Variants in EXOC6B observed in about 807,000 individuals in gnomAD.
EXOC6B encodes exocyst complex component 6B.
In EXOC6B, 54 loss-of-function variants were observed where a neutral mutation model predicts 113.5. The ratio of observed to expected loss-of-function variants is 0.48; its 90% CI spans 0.38 to 0.60. The LOEUF (loss-of-function observed/expected upper bound fraction) is 0.60. Among genes scored for constraint, EXOC6B ranks in the 20% least tolerant of loss-of-function variants. EXOC6B has a pLI of 0.00. For missense variants in EXOC6B, 797 were observed against 977.5 expected (o/e 0.82, Z 2.46); for synonymous variants, 357 against 339.0 (o/e 1.05, Z -0.58).
chr2:72,696,371 G>A (rs1274717478), intron 6 of EXOC6B, among the ~76,000 whole-genome samples: 1 of 152,176 alleles, frequency 6.6e-6, no homozygotes, highest in African/African-American at 2.4e-5. Context: ...AAATAGCAAG[G>A]TTAATACCTA....
At chr2:72,682,131 G>A (rs1483348652) in intron 6 of EXOC6B, among the ~76,000 whole-genome samples, 1 of 151,970 alleles carries the variant, frequency 6.6e-6, no homozygotes, top group Admixed American at 6.6e-5. Context: ...CCACCATAAG[G>A]TGGGCAAAAC....
intron 20 of EXOC6B, among the ~76,000 whole-genome samples, chr2:72,324,097 C>G (rs540118418): frequency 2.0e-5 from 3 of 151,356 alleles, no homozygotes; most frequent in African/African-American, 7.3e-5. Context: ...ACAAAATAAA[C>G]AATTGTGTTA....
At chr2:72,480,061 G>A (rs916180185) in intron 17 of EXOC6B, among the ~76,000 whole-genome samples, 5 of 151,842 alleles carry the variant, frequency 3.3e-5, no homozygotes, top group South Asian at 2.1e-4. Flanking sequence ...AAAATTAGCC[G>A]GGCATGGTGG....
At chr2:72,820,625 A>C (rs1360505832) in intron 1 of EXOC6B, among the ~76,000 whole-genome samples, 1 of 152,196 alleles carries the variant, frequency 6.6e-6, no homozygotes, top group Non-Finnish European at 1.5e-5. Flanking sequence ...AGCAAAAATC[A>C]CATAAACTCA....
chr2:72,501,826 C>T (rs1330521542), intron 11 of EXOC6B, among the ~76,000 whole-genome samples: 4 of 150,614 alleles, frequency 2.7e-5, no homozygotes, highest in African/African-American at 9.8e-5. Flanking sequence ...GTGGCAGGAT[C>T]ATAGCTCACT....
chr2:72,232,599 C>T (rs946474705), intron 20 of EXOC6B, among the ~76,000 whole-genome samples: 3 of 151,950 alleles, frequency 2.0e-5, no homozygotes, highest in African/African-American at 7.3e-5. Context: ...AAAAATTGTA[C>T]TTTAAAAGGC....
chr2:72,716,760 G>A (rs1284332438), intron 6 of EXOC6B, among the ~76,000 whole-genome samples: 3 of 152,072 alleles, frequency 2.0e-5, no homozygotes, highest in South Asian at 2.1e-4. Context: ...AATGAGACCA[G>A]CTGGCCTCAC....
chr2:72,587,169 C>T (rs1432040184), intron 6 of EXOC6B, among the ~76,000 whole-genome samples: 2 of 152,014 alleles, frequency 1.3e-5, no homozygotes, highest in Non-Finnish European at 1.5e-5. Context: ...ACCTAGGTGC[C>T]CATCAATGGT....
At chr2:72,610,244 T>C (rs960412036) in intron 6 of EXOC6B, among the ~76,000 whole-genome samples, 1 of 152,152 alleles carries the variant, frequency 6.6e-6, no homozygotes, top group African/African-American at 2.4e-5. Context: ...AGTATATACA[T>C]AGTGTGTATA....
intron 16 of EXOC6B, among the ~76,000 whole-genome samples, chr2:72,486,937 G>C (rs1047000038): frequency 1.3e-5 from 2 of 149,682 alleles, no homozygotes; most frequent in Non-Finnish European, 3.0e-5. Context: ...TGTTTCCTTT[G>C]GTAACAAAAT....
At chr2:72,459,308 C>T (rs1697468260) in intron 18 of EXOC6B, among the ~76,000 whole-genome samples, 1 of 152,122 alleles carries the variant, frequency 6.6e-6, no homozygotes, top group Non-Finnish European at 1.5e-5. Flanking sequence ...ACAGGGATGC[C>T]CTCTCTCACC....
intron 5 of EXOC6B, among the ~76,000 whole-genome samples, chr2:72,728,503 T>G (rs1680448295): frequency 6.6e-6 from 1 of 152,142 alleles, no homozygotes; most frequent in Admixed American, 6.5e-5. Flanking sequence ...GTTATAGTAA[T>G]AACCACTCCC....
At chr2:72,250,685 G>A (rs10221958) in intron 20 of EXOC6B, among the ~76,000 whole-genome samples, 100 of 152,076 alleles carry the variant, frequency 6.6e-4, no homozygotes, top group African/African-American at 2.3e-3. Context: ...ATCTCTGTAA[G>A]CAATAAATTT....
intron 6 of EXOC6B, among the ~76,000 whole-genome samples, chr2:72,621,684 G>A (rs1671756428): frequency 6.6e-6 from 1 of 152,212 alleles, no homozygotes; most frequent in Non-Finnish European, 1.5e-5. Context: ...GGACAGATGA[G>A]GTAGCTGGAC....
rs980322172 is a variant in EXOC6B at position 72,550,071 on chromosome 2, C to T, written c.915+9382G>A. Among the ~76,000 whole-genome samples the T allele has an allele frequency of 4.6e-5, 7 of 151,868 alleles. No homozygotes were observed. In the East Asian group the frequency reaches 1.2e-3, roughly 25 times the overall value. ...ACAAGCATTAGAATGTAAAGGAATG[C>T]GAGAGATATGGTTTATTTTCTCCTC... On this transcript the variant is annotated intron_variant, in intron 8 of 21. Coordinates refer to ENST00000272427, the MANE Select transcript of EXOC6B (RefSeq NM_015189.3).
rs537400729 is a variant in EXOC6B at position 72,404,566 on chromosome 2, G to A, written c.1981-24696C>T. Among the ~76,000 whole-genome samples the A allele has an allele frequency of 1.2e-4, 19 of 152,240 alleles. 1 individual carries two copies. Among genetic ancestry groups the A allele is most frequent in the African/African-American group, 4.3e-4 (18 of 41,542 alleles). ...GCTGTTCACCAATATTCACTGTTCT[G>A]CAGCCTCCTCTACTGATACCCAGGT... On this transcript the variant is annotated intron_variant, in intron 18 of 21. Transcript: ENST00000272427.
chr2:72,454,441 G>A (rs1156264845), intron 18 of EXOC6B, among the ~76,000 whole-genome samples: 1 of 152,096 alleles, frequency 6.6e-6, no homozygotes, highest in Admixed American at 6.6e-5. Flanking sequence ...AGAGGGCGAG[G>A]CTGCAGTGAG....
chr2:72,388,864 G>A (rs1039347548), intron 18 of EXOC6B, among the ~76,000 whole-genome samples: 8 of 152,050 alleles, frequency 5.3e-5, no homozygotes, highest in African/African-American at 1.9e-4. Flanking sequence ...CATTAATACA[G>A]AAACTCAATG....
At chr2:72,440,099 A>C (rs1486473355) in intron 18 of EXOC6B, among the ~76,000 whole-genome samples, 1 of 152,066 alleles carries the variant, frequency 6.6e-6, no homozygotes, top group East Asian at 1.9e-4. Flanking sequence ...GCCCAAACGC[A>C]CCTGTAGGAG....
Sources: gnomAD v4.1 joint callset for allele counts (sites outside exome capture counted in the v4.1 genomes callset) on GRCh38, gnomAD v4.1.1 for gene constraint, MANE v1.5 for transcripts, NCBI Gene and HGNC (gene_info 2026-07-23, HGNC 2026-07-21) for gene names.